The following MTCL1 variants were observed in gnomAD, a reference collection of about 807,000 sequenced individuals.
MTCL1 encodes microtubule cross-linking factor 1.
MTCL1 carries 79 observed loss-of-function variants against 141.4 expected under a neutral mutation model. The observed-to-expected ratio is 0.56, with a 90% confidence interval of 0.47 to 0.67. The LOEUF (loss-of-function observed/expected upper bound fraction) is 0.67. MTCL1 is among the 30% of genes least tolerant of loss of function. MTCL1 has a pLI of 0.00. For synonymous variants in MTCL1, 914 were observed against 875.8 expected, an observed-to-expected ratio of 1.04 and a Z score of -0.77; for missense variants, 2,177 against 2,113.9, an observed-to-expected ratio of 1.03 and a Z score of -0.59.
At chr18:8,755,718 C>T (rs1411281899) in intron 4 of MTCL1, among the ~76,000 whole-genome samples, 1 of 152,232 alleles carries the variant, frequency 6.6e-6, no homozygotes, top group Non-Finnish European at 1.5e-5. Flanking sequence ...ATAGTCCAAT[C>T]AAGTCAACAG....
At position 8,786,009 on chromosome 18, in the gene MTCL1, G is replaced by A. The variant is rs201426677; in HGVS notation, c.1805G>A (p.Arg602Gln). The change falls in exon 7 of 17, where the codon CGA becomes CAA. Residue 602 changes from arginine (R) to glutamine (Q), a missense_variant. Transcript: ENST00000359865. Reference sequence around the variant, plus strand: ...GACGAGCGGGAGAGCCTGCGCCTCCGAGCCGCGCGGGAGCTGCACCGCCGC... The same window carrying A: ...GACGAGCGGGAGAGCCTGCGCCTCCAAGCCGCGCGGGAGCTGCACCGCCGC... 1.6e-4 allele frequency: 254 copies of A among 1,583,342 alleles called. No individual in the cohort carries two copies. Among genetic ancestry groups the A allele is most frequent in the Non-Finnish European group, 2.0e-4 (226 of 1,155,960 alleles).
chr18:8,740,773 G>A (rs781239390), intron 4 of MTCL1, among the ~76,000 whole-genome samples: 19 of 152,248 alleles, frequency 1.2e-4, no homozygotes, highest in Middle Eastern at 3.4e-3. Flanking sequence ...GTGAGCCACC[G>A]CACCCGGCTG....
rs886407562 is a variant in MTCL1 at position 8,746,546 on chromosome 18, A to G, written c.357+26050A>G. 2.6e-5 allele frequency among the ~76,000 whole-genome samples: 4 copies of G among 152,220 alleles called. No homozygotes were observed. The East Asian group carries it at 5.8e-4, about 22-fold the overall frequency. On this transcript the variant is annotated intron_variant, in intron 4 of 16. Coordinates refer to ENST00000359865, the Ensembl canonical transcript of MTCL1. ...GGATTTGAATCTAGAAACCCTGGAT[A>G]TGTTAAAGTGGGCATTTTCTTGTCC...
At chr18:8,785,446 C>G (rs1033061048) in intron 6 of MTCL1, among the ~76,000 whole-genome samples, 2 of 152,094 alleles carry the variant, frequency 1.3e-5, no homozygotes, top group African/African-American at 2.4e-5. Context: ...CGCCCTGCCG[C>G]CGCTGGGGAG....
At chr18:8,726,999 G>T (rs907123241) in intron 4 of MTCL1, among the ~76,000 whole-genome samples, 1 of 152,068 alleles carries the variant, frequency 6.6e-6, no homozygotes, top group Non-Finnish European at 1.5e-5. Flanking sequence ...TTACATCTTT[G>T]TGTCTATGTT....
chr18:8,739,239 T>C (rs1283197873), intron 4 of MTCL1, among the ~76,000 whole-genome samples: 1 of 152,038 alleles, frequency 6.6e-6, no homozygotes, highest in Non-Finnish European at 1.5e-5. Context: ...AGTGAGACCC[T>C]GTCTCTAAAA....
At chr18:8,788,217 G>A (rs2075588076) in intron 7 of MTCL1, among the ~76,000 whole-genome samples, 1 of 152,150 alleles carries the variant, frequency 6.6e-6, no homozygotes, top group African/African-American at 2.4e-5. Context: ...AGGCAGGGCT[G>A]GAGCTGGAGG....
chr18:8,824,838 G>C, exon 15 of MTCL1: 1 of 1,614,082 alleles, frequency 6.2e-7, no homozygotes, highest in Non-Finnish European at 8.5e-7. Flanking sequence ...CAAGTACATC[G>C]AGGAGTTCAA....
At chr18:8,796,356 G>C (rs150964075) in exon 9 of MTCL1, 1 of 1,614,148 alleles carries the variant, frequency 6.2e-7, no homozygotes, top group Admixed American at 1.7e-5. Context: ...CAGGAGCTCC[G>C]GTCCTTGAAG....
chr18:8,726,524 AGAGCGAGTGCGCATGC>A (rs2096215173), intron 4 of MTCL1, among the ~76,000 whole-genome samples: 1 of 115,524 alleles, frequency 8.7e-6, no homozygotes, highest in South Asian at 2.7e-4. Flanking sequence ...CGAGCGAGAG[AGAGCGAGTGCGCATGC>A]GCGCGCGCAA....
intron 16 of MTCL1, chr18:8,829,540 C>G (rs1405274717): frequency 1.0e-6 from 1 of 970,904 alleles, no homozygotes; most frequent in African/African-American, 1.8e-5. Flanking sequence ...ACAAAATCAT[C>G]CCCACTCCAA....
intron 4 of MTCL1, among the ~76,000 whole-genome samples, chr18:8,721,804 G>A (rs2096174952): frequency 6.6e-6 from 1 of 152,108 alleles, no homozygotes; most frequent in Non-Finnish European, 1.5e-5. Flanking sequence ...TCCTTTACTA[G>A]TGCCCCTTCG....
At chr18:8,761,719 C>T (rs1474883681) in intron 4 of MTCL1, among the ~76,000 whole-genome samples, 2 of 152,158 alleles carry the variant, frequency 1.3e-5, no homozygotes, top group Admixed American at 6.6e-5. Flanking sequence ...TCTTACATGG[C>T]GGCAGACAAG....
chr18:8,817,252 C>CTT lies in MTCL1; in HGVS notation c.2860-1691_2860-1690dup, dbSNP rs35022661. Among the ~76,000 whole-genome samples the CTT allele has an allele frequency of 9.0e-3, 1,067 of 118,206 alleles. 16 individuals are homozygous for CTT. The highest frequency in any genetic ancestry group is 0.029 in the African/African-American group (897 of 31,380). The allele number at this position is 118,206 out of a possible 152,430, so 77.5% of individuals were successfully genotyped here. ...TAAATGAACATATAAAAAGCCTTCC[C>CTT]TTTTTTTTTTTTTTTTTTTTTAAAG... On this transcript the variant is annotated intron_variant, in intron 12 of 16. Coordinates refer to ENST00000359865, the Ensembl canonical transcript of MTCL1.
At chr18:8,790,444 A>C (rs1336863000) in intron 7 of MTCL1, among the ~76,000 whole-genome samples, 4 of 152,212 alleles carry the variant, frequency 2.6e-5, no homozygotes. Flanking sequence ...TTATAGAGTA[A>C]TGTGTAGCTG....
intron 4 of MTCL1, among the ~76,000 whole-genome samples, chr18:8,775,658 T>G (rs2096504840): frequency 6.6e-6 from 1 of 152,282 alleles, no homozygotes; most frequent in South Asian, 2.1e-4. Flanking sequence ...GTGGAGAAAC[T>G]CAAGCTGTCT....
intron 4 of MTCL1, among the ~76,000 whole-genome samples, chr18:8,735,120 T>G (rs1217372974): frequency 6.6e-6 from 1 of 152,206 alleles, no homozygotes; most frequent in East Asian, 1.9e-4. Context: ...TTCACAGTCA[T>G]GAGTTTTATA....
At position 8,830,958 on chromosome 18, in the gene MTCL1, A is replaced by G. The variant is rs1042406768; in HGVS notation, c.*19-649A>G. 3 of 985,768 alleles carry G rather than the reference A, an allele frequency of 3.0e-6. No homozygotes were observed. The African/African-American group carries it at 5.2e-5, about 17-fold the overall frequency. 61.1% of individuals were successfully genotyped at this position (985,768 alleles called of 1,614,324 possible). A position where few individuals can be genotyped will look rare whatever the true frequency, so the allele number is the denominator to read the frequency against. On this transcript the variant is annotated intron_variant, in intron 16 of 16. Transcript: ENST00000359865. This position sits in a 1 kb window ranked among gnomAD's most constrained non-coding sequence, Gnocchi z 6.4. ...AACACAAAACCACCAGTACATTCTG[A>G]TTCTACCTTTTTAAAATGCTGCTGC... is the stretch of plus-strand genomic sequence containing the variant.
chr18:8,816,994 T>C (rs2076676366), intron 12 of MTCL1, among the ~76,000 whole-genome samples: 3 of 152,200 alleles, frequency 2.0e-5, no homozygotes, highest in African/African-American at 7.2e-5. Flanking sequence ...AACCTAACAC[T>C]TAGCAGCTTG....
Sources: allele counts gnomAD v4.1 joint callset (sites outside exome capture counted in the v4.1 genomes callset), GRCh38; gene constraint gnomAD v4.1.1; non-coding constraint Gnocchi (gnomAD v3.1); transcripts MANE v1.5; gene names NCBI Gene and HGNC (gene_info 2026-07-23, HGNC 2026-07-21).